Variants in BRD10 observed in about 807,000 individuals in gnomAD.
BRD10 encodes the protein bromodomain containing 10.
chr9:5,967,688 T>C, the BRD10 span, among the ~76,000 whole-genome samples: 6 of 94,704 alleles, frequency 6.3e-5, no homozygotes, highest in Admixed American at 7.9e-4. Context: ...GTACTGCCCT[T>C]AGCCTGAAAA....
chr9:5,910,073 C>T, the BRD10 span: 1 of 152,164 alleles, frequency 6.6e-6, no homozygotes, highest in Non-Finnish European at 1.5e-5. Flanking sequence ...TCACAGAAGG[C>T]TATGAACCTG....
At chr9:5,982,796 C>T in the BRD10 span, among the ~76,000 whole-genome samples, 2 of 152,130 alleles carry the variant, frequency 1.3e-5, no homozygotes, top group South Asian at 2.1e-4. Context: ...AACAGAAAGT[C>T]GGGATCAGGG....
chr9:5,985,346 G>T, the BRD10 span, among the ~76,000 whole-genome samples: 1 of 152,074 alleles, frequency 6.6e-6, no homozygotes, highest in Non-Finnish European at 1.5e-5. Flanking sequence ...AGATTCCTTA[G>T]GTAGGTCCAC....
At chr9:5,967,350 C>A in the BRD10 span, among the ~76,000 whole-genome samples, 135,821 of 152,178 alleles carry the variant, frequency 0.89, 61,532 homozygotes, top group Non-Finnish European at 0.99. Flanking sequence ...GCAGAGCAAT[C>A]GGCCACTGAA....
At chr9:5,922,719 G>T in the BRD10 span, 1 of 1,613,926 alleles carries the variant, frequency 6.2e-7, no homozygotes, top group Non-Finnish European at 8.5e-7. Flanking sequence ...CCTGTTTTAG[G>T]ATCCACCATA....
At chr9:5,936,679 ATAAT>A in the BRD10 span, among the ~76,000 whole-genome samples, 1 of 152,220 alleles carries the variant, frequency 6.6e-6, no homozygotes, top group South Asian at 2.1e-4. Context: ...GAGTTTTGAC[ATAAT>A]TTCCCAACTC....
chr9:5,930,259 T>G, the BRD10 span, among the ~76,000 whole-genome samples: 1 of 151,436 alleles, frequency 6.6e-6, no homozygotes, highest in Non-Finnish European at 1.5e-5. Context: ...CTACAGCAAC[T>G]GTTGAGTCCA....
At chr9:5,922,739 T>C in the BRD10 span, 1 of 1,613,982 alleles carries the variant, frequency 6.2e-7, no homozygotes, top group Non-Finnish European at 8.5e-7. Context: ...AGGCTGCACC[T>C]GAATCTTTAC....
the BRD10 span, among the ~76,000 whole-genome samples, chr9:5,940,783 T>C: frequency 6.6e-6 from 1 of 152,160 alleles, no homozygotes; most frequent in African/African-American, 2.4e-5. Flanking sequence ...TATGTATAGC[T>C]TTCCTTACAT....
the BRD10 span, among the ~76,000 whole-genome samples, chr9:5,951,328 T>A: frequency 6.7e-6 from 1 of 149,676 alleles, no homozygotes; most frequent in Non-Finnish European, 1.5e-5. Flanking sequence ...CATTAGGACT[T>A]AAAAAAAAAA....
At chr9:5,986,462 G>A in the BRD10 span, among the ~76,000 whole-genome samples, 14 of 152,098 alleles carry the variant, frequency 9.2e-5, no homozygotes, top group Non-Finnish European at 1.9e-4. Flanking sequence ...ATAACAGAAT[G>A]ATTTATATTC....
the BRD10 span, among the ~76,000 whole-genome samples, chr9:5,938,811 A>C: frequency 6.6e-6 from 1 of 152,220 alleles, no homozygotes; most frequent in African/African-American, 2.4e-5. Context: ...GAAGATCTAG[A>C]ATAAAAAATA....
chr9:5,968,139 C>T, the BRD10 span: 4 of 1,583,730 alleles, frequency 2.5e-6, no homozygotes, highest in East Asian at 9.0e-5. Context: ...TGTAAGTTTT[C>T]ATTCAAAACA....
chr9:5,897,802 C>G, the BRD10 span: 2 of 715,864 alleles, frequency 2.8e-6, no homozygotes, highest in African/African-American at 3.5e-5. Context: ...CTACATTGTA[C>G]TTTGGCAACT....
chr9:5,974,699 C>T, the BRD10 span, among the ~76,000 whole-genome samples: 29 of 152,272 alleles, frequency 1.9e-4, no homozygotes, highest in South Asian at 4.6e-3. Flanking sequence ...AGAGAGAACT[C>T]TACAGATGTG....
the BRD10 span, among the ~76,000 whole-genome samples, chr9:5,926,171 C>T: frequency 6.6e-6 from 1 of 152,136 alleles, no homozygotes; most frequent in South Asian, 2.1e-4. Flanking sequence ...CCACCTTGGC[C>T]TCCTAAAGTG....
the BRD10 span, among the ~76,000 whole-genome samples, chr9:5,952,297 A>T: frequency 6.6e-6 from 1 of 152,264 alleles, no homozygotes; most frequent in Admixed American, 6.5e-5. Flanking sequence ...CTGGGATTAC[A>T]GGTGTGAGCC....
At chr9:5,964,706 C>A in the BRD10 span, among the ~76,000 whole-genome samples, 4 of 144,284 alleles carry the variant, frequency 2.8e-5, no homozygotes, top group African/African-American at 1.0e-4. Flanking sequence ...CACATATACA[C>A]CATGGAATAC....
chr9:5,981,216 G>A, the BRD10 span, among the ~76,000 whole-genome samples: 6 of 152,176 alleles, frequency 3.9e-5, no homozygotes, highest in Non-Finnish European at 5.9e-5. Flanking sequence ...AAAATAAAGT[G>A]GGATGAAGCA....
Sources: gnomAD v4.1 joint callset for allele counts (sites outside exome capture counted in the v4.1 genomes callset) on GRCh38, gnomAD v4.1.1 for gene constraint, MANE v1.5 for transcripts, NCBI Gene and HGNC (gene_info 2026-07-23, HGNC 2026-07-21) for gene names.